GTF2B: variants seen among roughly 807,000 people sequenced by gnomAD.
GTF2B encodes general transcription factor IIB.
A neutral mutation model predicts 34.6 loss-of-function variants in GTF2B; 20 were observed. That is an observed-to-expected ratio of 0.58 (90% CI 0.41 to 0.84). GTF2B has a LOEUF of 0.84. GTF2B is among the 40% of genes least tolerant of loss of function. The pLI is 0.00. For synonymous variants in GTF2B, 142 were observed against 132.4 expected (o/e 1.07, Z -0.50); for missense variants, 237 against 393.3 (o/e 0.60, Z 3.36).
At chr1:88,891,438 T>C (rs1557664429) in intron 1 of GTF2B, 45 bp downstream of exon 1, 8 of 1,553,936 alleles carry the variant, frequency 5.1e-6, no homozygotes, top group Non-Finnish European at 7.0e-6. Context: ...CCGGCGGCGC[T>C]CGCGCCCGCC....
chr1:88,875,012 A>G (rs1673787353), intron 2 of GTF2B, among the ~76,000 whole-genome samples: 1 of 152,114 alleles, frequency 6.6e-6, no homozygotes, highest in South Asian at 2.1e-4. Flanking sequence ...GATGAAATGT[A>G]TCATTAGCTT....
Position 88,853,121 on chromosome 1 carries a change from T to C in GTF2B, c.*92A>G, listed in dbSNP as rs145144530. On this transcript the variant is annotated 3_prime_UTR_variant, in exon 7 of 7. Transcript: ENST00000370500. ...GGAATGCGTACCATGTCTTTTGTTT[T>C]TCCTCATGAAAGGCTCAACCCAGCA... 18 of 1,174,088 alleles carry C rather than the reference T, an allele frequency of 1.5e-5. No individual in the cohort carries two copies. In the African/African-American group the frequency reaches 2.7e-4, roughly 18 times the overall value. 72.7% of individuals were successfully genotyped at this position (1,174,088 alleles called of 1,614,324 possible). A position where few individuals can be genotyped will look rare whatever the true frequency, so the allele number is the denominator to read the frequency against.
In GTF2B at chr1:88,890,040, T is replaced by C. The variant is rs373940205; in HGVS notation, c.17+1443A>G. ...CAGGCCTGTTCCATAAAATAAAAAATACTGCATTTAACTTTCTTTGTTGTC... is the reference window on the plus strand; with the variant it reads ...CAGGCCTGTTCCATAAAATAAAAAACACTGCATTTAACTTTCTTTGTTGTC... On this transcript the variant is annotated intron_variant, in intron 1 of 6. Transcript: ENST00000370500. 8.6e-5 allele frequency among the ~76,000 whole-genome samples: 13 copies of C among 151,850 alleles called. No individual in the cohort carries two copies. In the East Asian group the frequency reaches 1.5e-3, roughly 18 times the overall value.
chr1:88,859,845 A>G, intron 5 of GTF2B, 37 bp downstream of exon 5: 1 of 1,596,718 alleles, frequency 6.3e-7, no homozygotes, highest in Non-Finnish European at 8.6e-7. Flanking sequence ...CAAACAAACA[A>G]ACAAACAAAC....
At chr1:88,881,062 G>GC (rs1365668376) in intron 2 of GTF2B, among the ~76,000 whole-genome samples, 4 of 146,872 alleles carry the variant, frequency 2.7e-5, no homozygotes, top group African/African-American at 1.0e-4. Context: ...GGTCAGACAT[G>GC]CCCCACAAAG....
intron 1 of GTF2B, 72 bp from the exon 2 acceptor site, chr1:88,887,439 A>G: frequency 1.1e-6 from 1 of 885,360 alleles, no homozygotes; most frequent in Non-Finnish European, 1.9e-6. Flanking sequence ...GGGATGGGGG[A>G]TGGGGAAGAC....
rs58132302 is a variant in GTF2B at position 88,890,157 on chromosome 1, T to TA, written c.17+1325dup. On this transcript the variant is annotated intron_variant, in intron 1 of 6. Coordinates refer to ENST00000370500, the MANE Select transcript of GTF2B (RefSeq NM_001514.6). ...CAGACTTAAAAAGCCATGATAGAAT[T>TA]AAAAAAAAAAAAAGCCATGGTAGAA... 3.1e-3 allele frequency among the ~76,000 whole-genome samples: 439 copies of TA among 141,296 alleles called. 1 individual carries two copies. Among genetic ancestry groups the TA allele is most frequent in the Middle Eastern group, 0.019 (5 of 270 alleles). The allele number at this position is 141,296 out of a possible 152,430, so 92.7% of individuals were successfully genotyped here.
intron 5 of GTF2B, among the ~76,000 whole-genome samples, chr1:88,857,885 T>C (rs1673352317): frequency 6.6e-6 from 1 of 152,006 alleles, no homozygotes; most frequent in South Asian, 2.1e-4. Flanking sequence ...TTTCACCATG[T>C]TGGCCAGGCC....
chr1:88,858,485 T>G (rs1366745882), intron 5 of GTF2B, among the ~76,000 whole-genome samples: 1 of 152,188 alleles, frequency 6.6e-6, no homozygotes, highest in Non-Finnish European at 1.5e-5. Flanking sequence ...CATGTGTGCA[T>G]GAAATCCCTG....
intron 2 of GTF2B, among the ~76,000 whole-genome samples, chr1:88,876,932 G>GAGAC (rs2100975296): frequency 6.6e-6 from 1 of 152,264 alleles, no homozygotes; most frequent in Non-Finnish European, 1.5e-5. Flanking sequence ...AGGAGCAATG[G>GAGAC]AGACACACAA....
At chr1:88,859,488 T>G (rs1673388581) in intron 5 of GTF2B, among the ~76,000 whole-genome samples, 1 of 152,208 alleles carries the variant, frequency 6.6e-6, no homozygotes, top group African/African-American at 2.4e-5. Flanking sequence ...TGACTTAGCT[T>G]CTAAGTGTCA....
At chr1:88,872,812 G>C (rs17130641) in intron 2 of GTF2B, among the ~76,000 whole-genome samples, 2,838 of 152,114 alleles carry the variant, frequency 0.019, 84 homozygotes, top group African/African-American at 0.065. Flanking sequence ...TATTGTGTTT[G>C]TCTCCTTGTG....
intron 6 of GTF2B, among the ~76,000 whole-genome samples, chr1:88,856,927 G>C (rs1673326109): frequency 6.6e-6 from 1 of 151,302 alleles, no homozygotes; most frequent in South Asian, 2.1e-4. Flanking sequence ...TCAGCCTCCT[G>C]AATAGCTGGG....
chr1:88,890,752 G>A (rs990327590), intron 1 of GTF2B, among the ~76,000 whole-genome samples: 4 of 152,138 alleles, frequency 2.6e-5, no homozygotes, highest in African/African-American at 9.7e-5. Context: ...GGCTGTTTCT[G>A]AGGGTACTGC....
At chr1:88,887,188 G>A (rs1471425793) in intron 2 of GTF2B, 73 bp downstream of exon 2, 1 of 950,750 alleles carries the variant, frequency 1.1e-6, no homozygotes, top group Non-Finnish European at 1.7e-6. Flanking sequence ...CGAAGTGCTG[G>A]AATTACAGGC....
In GTF2B at chr1:88,853,348, TA is replaced by T; in HGVS notation, c.818-3del. ...CAACACCAGCAATATCTCCAATTTCTAAAAGACAAAAATCGAAACATTAACC... is the reference window on the plus strand; with the variant it reads ...CAACACCAGCAATATCTCCAATTTCTAAAGACAAAAATCGAAACATTAACC... On this transcript the variant is annotated splice_region_variant and splice_polypyrimidine_tract_variant and intron_variant, in intron 6 of 6. Transcript: ENST00000370500. 1.2e-6 allele frequency: 2 copies of T among 1,611,884 alleles called. No homozygotes were observed. Among genetic ancestry groups the T allele is most frequent in the Non-Finnish European group, 1.7e-6 (2 of 1,178,306 alleles).
At chr1:88,853,988 T>C (rs1426037983) in intron 6 of GTF2B, among the ~76,000 whole-genome samples, 1 of 152,190 alleles carries the variant, frequency 6.6e-6, no homozygotes. Context: ...ACATAAAATA[T>C]ATGAATAGTG....
At chr1:88,884,182 C>A (rs1443603437) in intron 2 of GTF2B, among the ~76,000 whole-genome samples, 14 of 152,052 alleles carry the variant, frequency 9.2e-5, no homozygotes, top group Admixed American at 7.9e-4. Context: ...TGCCCACCAC[C>A]ACGCCCGGCT....
At chr1:88,888,383 A>C (rs1674123879) in intron 1 of GTF2B, among the ~76,000 whole-genome samples, 2 of 152,212 alleles carry the variant, frequency 1.3e-5, no homozygotes, top group Admixed American at 1.3e-4. Flanking sequence ...AGTCAGCTTA[A>C]CTAGAATATG....
Sources: gnomAD v4.1 joint callset for allele counts (sites outside exome capture counted in the v4.1 genomes callset) on GRCh38, gnomAD v4.1.1 for gene constraint, MANE v1.5 for transcripts, NCBI Gene and HGNC (gene_info 2026-07-23, HGNC 2026-07-21) for gene names.